The following BAIAP2L1 variants were observed in gnomAD, a reference collection of about 807,000 sequenced individuals.
The protein encoded by BAIAP2L1 is BAR/IMD domain containing adaptor protein 2 like 1.
A neutral mutation model predicts 66.3 loss-of-function variants in BAIAP2L1; 35 were observed. The observed-to-expected ratio is 0.53, with a 90% confidence interval of 0.40 to 0.70. BAIAP2L1 has a LOEUF of 0.70. Ranked by LOEUF, BAIAP2L1 falls within the 30% of genes least tolerant of loss-of-function variation. The pLI, the probability that BAIAP2L1 is intolerant of heterozygous loss-of-function variation, is 0.00. For synonymous variants in BAIAP2L1, 269 were observed against 248.7 expected (o/e 1.08, Z -0.77); for missense variants, 622 against 656.9 (o/e 0.95, Z 0.58).
chr7:98,394,240 C>CAAAAACAAACAAACAA (rs1803144607), intron 1 of BAIAP2L1, among the ~76,000 whole-genome samples: 1 of 38,596 alleles, frequency 2.6e-5, no homozygotes, highest in Non-Finnish European at 5.5e-5. Context: ...GACTCCGTCT[C>CAAAAACAAACAAACAA]AAAAACAAAC....
intron 11 of BAIAP2L1, among the ~76,000 whole-genome samples, chr7:98,305,321 T>TAA (rs10708312): frequency 1.5e-4 from 22 of 148,142 alleles, no homozygotes; most frequent in African/African-American, 5.2e-4. Flanking sequence ...AGCTAAGAGT[T>TAA]AAAAAAAAAA....
intron 7 of BAIAP2L1, among the ~76,000 whole-genome samples, chr7:98,313,982 C>CTT (rs35599338): frequency 0.035 from 3,485 of 100,942 alleles, 159 homozygotes; most frequent in Non-Finnish European, 0.051. Flanking sequence ...CTTTTTCTTC[C>CTT]TTTTTTTTTT....
At chr7:98,362,188 T>C (rs1277136939) in intron 2 of BAIAP2L1, among the ~76,000 whole-genome samples, 169 bp downstream of exon 2, 1 of 152,218 alleles carries the variant, frequency 6.6e-6, no homozygotes, top group Admixed American at 6.5e-5. Flanking sequence ...TTGTTTCAAA[T>C]ACGCTAATAT....
intron 3 of BAIAP2L1, among the ~76,000 whole-genome samples, chr7:98,343,248 T>TACAC (rs57033582): frequency 0.13 from 16,208 of 128,402 alleles, 1,237 homozygotes; most frequent in East Asian, 0.27. Context: ...AAAAAAAAAA[T>TACAC]ACACACACAC....
Position 98,292,522 on chromosome 7 carries a change from A to G in BAIAP2L1, c.*999T>C, listed in dbSNP as rs6465664. The G allele has an allele frequency of 0.44, 436,552 of 989,090 alleles. 102,631 individuals are homozygous for G. The highest frequency in any genetic ancestry group is 0.53 in the Middle Eastern group (2,062 of 3,892). The allele number at this position is 989,090 out of a possible 1,614,324, so 61.3% of individuals were successfully genotyped here. A position where few individuals can be genotyped will look rare whatever the true frequency, so the allele number is the denominator to read the frequency against. On this transcript the variant is annotated 3_prime_UTR_variant, in exon 14 of 14. Transcript: ENST00000005260. ...AATAGGTCCAGATCCTTGGCAGCCA[A>G]AGATGATTTCCAGCCCCGGGCTCAG... is the stretch of plus-strand genomic sequence containing the variant.
At chr7:98,342,640 GAGCTCTAAAA>G (rs1479281812) in intron 3 of BAIAP2L1, among the ~76,000 whole-genome samples, 1 of 152,080 alleles carries the variant, frequency 6.6e-6, no homozygotes, top group African/African-American at 2.4e-5. Context: ...ACATAATGGT[GAGCTCTAAAA>G]AGCTCAAAGC....
chr7:98,326,534 A>G (rs1005780613), intron 3 of BAIAP2L1, among the ~76,000 whole-genome samples: 4 of 152,180 alleles, frequency 2.6e-5, no homozygotes, highest in Non-Finnish European at 5.9e-5. Context: ...AGTACTGGCC[A>G]TGTAGAAGCT....
At chr7:98,323,565 C>T (rs1280915718) in intron 3 of BAIAP2L1, 5 of 152,028 alleles carry the variant, frequency 3.3e-5, no homozygotes, top group African/African-American at 1.2e-4. Flanking sequence ...GTGCCAAAAC[C>T]AAGGTGTGTG....
intron 1 of BAIAP2L1, among the ~76,000 whole-genome samples, chr7:98,396,267 C>G (rs1021781141): frequency 5.3e-5 from 8 of 152,050 alleles, no homozygotes; most frequent in African/African-American, 1.9e-4. Context: ...TAGGGTCTCA[C>G]TACATTACCC....
chr7:98,321,025 T>C (rs1801228727), intron 3 of BAIAP2L1, among the ~76,000 whole-genome samples: 2 of 151,996 alleles, frequency 1.3e-5, no homozygotes, highest in Non-Finnish European at 2.9e-5. Flanking sequence ...CTCAGCTATT[T>C]TTTTGGGACA....
chr7:98,317,433 C>G, intron 5 of BAIAP2L1, 77 bp from the exon 6 acceptor site: 1 of 1,557,744 alleles, frequency 6.4e-7, no homozygotes, highest in Non-Finnish European at 8.8e-7. Context: ...ACTCACACTT[C>G]CACTGTGTGT....
chr7:98,375,448 C>T (rs1283362859), intron 1 of BAIAP2L1, among the ~76,000 whole-genome samples: 1 of 148,670 alleles, frequency 6.7e-6, no homozygotes, highest in Non-Finnish European at 1.5e-5. Context: ...CTGTAGTCCC[C>T]ACAAGAATTA....
At chr7:98,364,238 T>C (rs1802340030) in intron 1 of BAIAP2L1, among the ~76,000 whole-genome samples, 1 of 152,196 alleles carries the variant, frequency 6.6e-6, no homozygotes. Context: ...CTGGCTGTTT[T>C]TCCTGGGATG....
chr7:98,341,895 T>C (rs1801748755), intron 3 of BAIAP2L1, among the ~76,000 whole-genome samples: 1 of 152,138 alleles, frequency 6.6e-6, no homozygotes. Flanking sequence ...AAAAGATAAG[T>C]GATTTTGGTC....
At chr7:98,359,785 G>A (rs1422115031) in intron 2 of BAIAP2L1, among the ~76,000 whole-genome samples, 1 of 139,826 alleles carries the variant, frequency 7.2e-6, no homozygotes, top group African/African-American at 2.6e-5. Flanking sequence ...TTTGAGACAG[G>A]GTCTTGCTCT....
At chr7:98,358,191 G>A (rs1486514685) in intron 2 of BAIAP2L1, among the ~76,000 whole-genome samples, 2 of 152,056 alleles carry the variant, frequency 1.3e-5, no homozygotes, top group East Asian at 3.9e-4. Flanking sequence ...AACCTTCTCG[G>A]TCTTGTAAAA....
At chr7:98,383,967 A>C (rs1349020457) in intron 1 of BAIAP2L1, among the ~76,000 whole-genome samples, 1 of 152,020 alleles carries the variant, frequency 6.6e-6, no homozygotes, top group African/African-American at 2.4e-5. Context: ...CAGCCTGGCC[A>C]ACAAGGTGAA....
intron 11 of BAIAP2L1, 24 bp from the exon 12 acceptor site, chr7:98,304,400 A>C: frequency 6.2e-7 from 1 of 1,612,362 alleles, no homozygotes; most frequent in Non-Finnish European, 8.5e-7. Flanking sequence ...AGGACACAGC[A>C]CGTGTTAGAT....
chr7:98,313,424 G>A (rs532472677), intron 7 of BAIAP2L1, among the ~76,000 whole-genome samples: 39 of 152,166 alleles, frequency 2.6e-4, no homozygotes, highest in African/African-American at 7.2e-4. Flanking sequence ...CTCATGACAC[G>A]GTGGGGATAT....
Sources: allele counts gnomAD v4.1 joint callset (sites outside exome capture counted in the v4.1 genomes callset), GRCh38; gene constraint gnomAD v4.1.1; transcripts MANE v1.5; gene names NCBI Gene and HGNC (gene_info 2026-07-23, HGNC 2026-07-21).